MICAL2: variants seen among roughly 807,000 people sequenced by gnomAD.
The protein encoded by MICAL2 is [F-actin]-monooxygenase MICAL2.
A neutral mutation model predicts 127.3 loss-of-function variants in MICAL2; 77 were observed. That is an observed-to-expected ratio of 0.60 (90% CI 0.50 to 0.73). The LOEUF (loss-of-function observed/expected upper bound fraction) is 0.73, where lower values mean the gene tolerates loss of function less well. Among genes scored for constraint, MICAL2 ranks in the 30% least tolerant of loss-of-function variants. The pLI is 0.00. For synonymous variants in MICAL2, 570 were observed against 551.1 expected, an observed-to-expected ratio of 1.03 and a Z score of -0.48; for missense variants, 1,351 against 1,434.4, an observed-to-expected ratio of 0.94 and a Z score of 0.94.
At chr11:12,212,589 T>A (rs974580729) in intron 6 of MICAL2, among the ~76,000 whole-genome samples, 2 of 152,226 alleles carry the variant, frequency 1.3e-5, no homozygotes, top group African/African-American at 4.8e-5. Context: ...GGTGTACTAT[T>A]TTCCTCTTTT....
chr11:12,258,522 G>A lies in MICAL2; in HGVS notation c.3197G>A (p.Arg1066Gln), dbSNP rs142926579. The part of the protein sequence containing the change: ...FIHCKTNSKQ[R>Q]KRRAELKQQR... ...CACTGTAAAACCAATAGCAAACAACGGAAGAGACGGGCAGAGTTGAAGCAA... is the reference window on the plus strand; with the variant it reads ...CACTGTAAAACCAATAGCAAACAACAGAAGAGACGGGCAGAGTTGAAGCAA... The change falls in exon 25 of 28, where the codon CGG (arginine) becomes CAG (glutamine). Residue 1066 changes from arginine (R) to glutamine (Q), a missense_variant. Transcript: ENST00000683283. 16 of 1,613,996 alleles carry A rather than the reference G, an allele frequency of 9.9e-6. No individual in the cohort carries two copies. The highest frequency in any genetic ancestry group is 1.6e-4 in the Middle Eastern group (1 of 6,084).
chr11:12,275,706 G>T (rs1463715369), upstream of MICAL2, among the ~76,000 whole-genome samples: 2 of 152,226 alleles, frequency 1.3e-5, no homozygotes, highest in African/African-American at 4.8e-5. Flanking sequence ...TCAGAGGCTG[G>T]TTAGCCTGGA....
At chr11:12,113,869 C>A (rs907075383) in intron 1 of MICAL2, among the ~76,000 whole-genome samples, 1 of 152,100 alleles carries the variant, frequency 6.6e-6, no homozygotes, top group African/African-American at 2.4e-5. Flanking sequence ...CCCTTTCTCA[C>A]CCTATATTGT....
intron 16 of MICAL2, among the ~76,000 whole-genome samples, chr11:12,237,098 C>A (rs1859191609): frequency 6.6e-6 from 1 of 152,254 alleles, no homozygotes; most frequent in Non-Finnish European, 1.5e-5. Context: ...CTGCCCCTCA[C>A]AACAGTGAGC....
downstream of MICAL2, among the ~76,000 whole-genome samples, chr11:12,361,563 A>G (rs753050025): frequency 1.3e-5 from 2 of 152,210 alleles, no homozygotes; most frequent in Non-Finnish European, 2.9e-5. Flanking sequence ...GTGAAAAATC[A>G]TCTCAGGTTG....
At chr11:12,185,608 T>C (rs1858133272) in intron 3 of MICAL2, among the ~76,000 whole-genome samples, 1 of 152,162 alleles carries the variant, frequency 6.6e-6, no homozygotes, top group African/African-American at 2.4e-5. Context: ...GAGCAGACTG[T>C]GGCTGGAGGA....
chr11:12,324,107 G>T, intron 31 of MICAL2: 2 of 1,589,784 alleles, frequency 1.3e-6, no homozygotes, highest in South Asian at 2.3e-5. Flanking sequence ...AGTGGGCCTG[G>T]GTCCAGGATC....
chr11:12,301,942 G>A (rs746255280), intron 29 of MICAL2, among the ~76,000 whole-genome samples: 3 of 152,186 alleles, frequency 2.0e-5, no homozygotes, highest in African/African-American at 7.2e-5. Context: ...GATTCATGTT[G>A]TAAGCTCTTT....
At chr11:12,337,728 G>A (rs1390174540) in intron 32 of MICAL2, among the ~76,000 whole-genome samples, 1 of 152,012 alleles carries the variant, frequency 6.6e-6, no homozygotes, top group Non-Finnish European at 1.5e-5. Context: ...AGTCATTCAG[G>A]AGCAGGTTGT....
At chr11:12,259,430 C>T (rs181291091) in intron 25 of MICAL2, among the ~76,000 whole-genome samples, 1 of 152,254 alleles carries the variant, frequency 6.6e-6, no homozygotes, top group East Asian at 1.9e-4. Flanking sequence ...TTTACTTCAC[C>T]ACTTCTGTAT....
chr11:12,283,456 A>G (rs1863793019), intron 2 of MICAL2, among the ~76,000 whole-genome samples: 1 of 152,256 alleles, frequency 6.6e-6, no homozygotes, highest in South Asian at 2.1e-4. Context: ...AAATGGATAA[A>G]CAAAACGCAG....
chr11:12,322,722 G>A (rs1176406694), intron 30 of MICAL2, among the ~76,000 whole-genome samples: 1 of 152,096 alleles, frequency 6.6e-6, no homozygotes, highest in Non-Finnish European at 1.5e-5. Flanking sequence ...GTCTGTGTGT[G>A]TATGTATAAT....
chr11:12,290,475 G>A (rs775127906), downstream of MICAL2, among the ~76,000 whole-genome samples: 1 of 152,182 alleles, frequency 6.6e-6, no homozygotes, highest in Non-Finnish European at 1.5e-5. Flanking sequence ...TCAGAAGATG[G>A]CAGAGAGGGA....
chr11:12,301,004 G>A (rs1864039911), intron 29 of MICAL2, among the ~76,000 whole-genome samples: 1 of 152,156 alleles, frequency 6.6e-6, no homozygotes, highest in South Asian at 2.1e-4. Flanking sequence ...GGTTTAATTG[G>A]ACTTAACAGT....
chr11:12,309,538 A>C (rs1251153674), intron 29 of MICAL2, among the ~76,000 whole-genome samples: 1 of 152,110 alleles, frequency 6.6e-6, no homozygotes, highest in East Asian at 1.9e-4. Flanking sequence ...ATAATATTCC[A>C]TTGTGTATAT....
At chr11:12,306,954 A>G (rs1048224273) in intron 29 of MICAL2, among the ~76,000 whole-genome samples, 1 of 152,168 alleles carries the variant, frequency 6.6e-6, no homozygotes, top group African/African-American at 2.4e-5. Flanking sequence ...ACATGTTTCC[A>G]TTTGCCTTAG....
rs1306407112 is a variant in MICAL2 at position 12,198,547 on chromosome 11, C to T, written c.265-5703C>T. ...GTAAACCAGTAACAGCCAGGGGCTT[C>T]CTGCCTGGATTCAGATAAGTGGCTG... is the stretch of plus-strand genomic sequence containing the variant. On this transcript the variant is annotated intron_variant, in intron 3 of 27. Coordinates refer to ENST00000683283, the MANE Select transcript of MICAL2 (RefSeq NM_001282663.2). Among the ~76,000 whole-genome samples, 4 of 152,192 alleles carry T rather than the reference C, an allele frequency of 2.6e-5. No homozygotes were observed. In the South Asian group the frequency reaches 6.2e-4, roughly 24 times the overall value.
At chr11:12,147,538 T>A (rs1012581640) in intron 2 of MICAL2, among the ~76,000 whole-genome samples, 2 of 152,202 alleles carry the variant, frequency 1.3e-5, no homozygotes, top group African/African-American at 4.8e-5. Context: ...AAAATAAATT[T>A]AAAAATCTGC....
At chr11:12,319,881 C>G in intron 30 of MICAL2, 7 of 1,130,230 alleles carry the variant, frequency 6.2e-6, no homozygotes, top group South Asian at 1.2e-5. Flanking sequence ...ATTTCAGAAC[C>G]AATGTGGGCT....
Sources: gnomAD v4.1 joint callset for allele counts (sites outside exome capture counted in the v4.1 genomes callset) on GRCh38, gnomAD v4.1.1 for gene constraint, MANE v1.5 for transcripts, NCBI Gene and HGNC (gene_info 2026-07-23, HGNC 2026-07-21) for gene names.